GABBR2: variants seen among roughly 807,000 people sequenced by gnomAD.
The protein encoded by GABBR2 is gamma-aminobutyric acid type B receptor subunit 2.
In GABBR2, 23 loss-of-function variants were observed where a neutral mutation model predicts 105.6. The observed-to-expected ratio is 0.22, with a 90% CI of 0.16 to 0.31. The LOEUF (loss-of-function observed/expected upper bound fraction) is 0.31. Among genes scored for constraint, GABBR2 ranks in the 10% least tolerant of loss-of-function variants. The pLI, the probability that GABBR2 is intolerant of heterozygous loss-of-function variation, is 1.00. For synonymous variants in GABBR2, 478 were observed against 499.7 expected (o/e 0.96, Z 0.58); for missense variants, 734 against 1,245.5 (o/e 0.59, Z 6.18).
intron 3 of GABBR2, among the ~76,000 whole-genome samples, chr9:98,523,274 T>A (rs536511552): frequency 6.6e-6 from 1 of 152,280 alleles, no homozygotes; most frequent in Non-Finnish European, 1.5e-5. Context: ...AAGAAGTAGA[T>A]AAATCAAAGC....
intron 4 of GABBR2, among the ~76,000 whole-genome samples, chr9:98,495,546 C>A (rs1486505504): frequency 6.6e-6 from 1 of 152,198 alleles, no homozygotes. Context: ...CTCCTGGGAA[C>A]TGACTTCTGT....
intron 7 of GABBR2, among the ~76,000 whole-genome samples, chr9:98,415,322 A>T (rs890633011): frequency 1.3e-5 from 2 of 152,210 alleles, no homozygotes; most frequent in Non-Finnish European, 2.9e-5. Flanking sequence ...TACCGGCAAA[A>T]ATAGCAATAT....
At chr9:98,410,505 C>CTTT (rs5899341) in intron 7 of GABBR2, among the ~76,000 whole-genome samples, 16 of 126,476 alleles carry the variant, frequency 1.3e-4, no homozygotes, top group South Asian at 2.6e-4. Context: ...GAGGGAAAAG[C>CTTT]TTTTTTTTTT....
chr9:98,593,812 A>G (rs1289650162), intron 1 of GABBR2, among the ~76,000 whole-genome samples: 2 of 152,138 alleles, frequency 1.3e-5, no homozygotes, highest in African/African-American at 4.8e-5. Context: ...GGCCACACTC[A>G]TTCCTCAGGT....
intron 7 of GABBR2, among the ~76,000 whole-genome samples, chr9:98,417,218 C>G (rs865962490): frequency 6.6e-6 from 1 of 152,180 alleles, no homozygotes; most frequent in East Asian, 1.9e-4. Flanking sequence ...GGCCAAGGAG[C>G]AGGATCTCTC....
chr9:98,570,161 T>C (rs913865431), intron 2 of GABBR2, among the ~76,000 whole-genome samples: 1 of 152,082 alleles, frequency 6.6e-6, no homozygotes, highest in Non-Finnish European at 1.5e-5. Context: ...CACATGAACT[T>C]CTCCAAGGAG....
At chr9:98,666,235 C>A (rs1199919114) in intron 1 of GABBR2, among the ~76,000 whole-genome samples, 3 of 152,162 alleles carry the variant, frequency 2.0e-5, no homozygotes, top group Non-Finnish European at 4.4e-5. Flanking sequence ...CAGGAAGGAA[C>A]CTAACGAACC....
chr9:98,296,892 G>A (rs1279365775), intron 17 of GABBR2, among the ~76,000 whole-genome samples: 3 of 151,900 alleles, frequency 2.0e-5, no homozygotes, highest in Non-Finnish European at 4.4e-5. Context: ...AATTCTTTTT[G>A]TACCTAAATT....
At chr9:98,351,185 A>G (rs971572950) in intron 13 of GABBR2, among the ~76,000 whole-genome samples, 2 of 151,958 alleles carry the variant, frequency 1.3e-5, no homozygotes, top group African/African-American at 4.8e-5. Context: ...AAAAAAATCC[A>G]TTCATCCAGT....
In GABBR2 at chr9:98,598,103, G is replaced by A. The variant is rs1829264374; in HGVS notation, c.322-20031C>T. On this transcript the variant is annotated intron_variant, in intron 1 of 18. Coordinates refer to ENST00000259455, the MANE Select transcript of GABBR2 (RefSeq NM_005458.8). ...CTCCCAAAGTGCTAGGATTACAGGT[G>A]TGAGCCACTGCGCCCAGCCTACTTA... is the stretch of plus-strand genomic sequence containing the variant. Among the ~76,000 whole-genome samples the A allele has an allele frequency of 2.0e-5, 3 of 152,228 alleles. No individual in the cohort carries two copies. The South Asian group carries it at 6.2e-4, about 31-fold the overall frequency.
In GABBR2 at chr9:98,569,013, T is replaced by C. The variant is rs1588232402; in HGVS notation, c.459+8922A>G. Reference sequence around the variant, plus strand: ...ATCATTTCTCCTCTTCCCTTTCTTCTTGTTTTTAATGAATCCAGAAGGTGG... The same window carrying C: ...ATCATTTCTCCTCTTCCCTTTCTTCCTGTTTTTAATGAATCCAGAAGGTGG... On this transcript the variant is annotated intron_variant, in intron 2 of 18. Coordinates refer to ENST00000259455, the MANE Select transcript of GABBR2 (RefSeq NM_005458.8). Among the ~76,000 whole-genome samples, 6 of 152,188 alleles carry C rather than the reference T, an allele frequency of 3.9e-5. No homozygotes were observed. In the South Asian group the frequency reaches 1.2e-3, roughly 32 times the overall value.
At chr9:98,653,804 G>C (rs1317409172) in intron 1 of GABBR2, among the ~76,000 whole-genome samples, 2 of 152,026 alleles carry the variant, frequency 1.3e-5, no homozygotes, top group Non-Finnish European at 1.5e-5. Flanking sequence ...AGAAGAATCT[G>C]CATACAGTGC....
intron 13 of GABBR2, among the ~76,000 whole-genome samples, chr9:98,349,161 C>T (rs892600480): frequency 6.6e-6 from 1 of 151,676 alleles, no homozygotes; most frequent in African/African-American, 2.4e-5. Context: ...TTATAAAATG[C>T]TTTTCTGTAT....
intron 9 of GABBR2, 65 bp from the exon 10 acceptor site, chr9:98,389,069 C>T (rs1383181188): frequency 1.4e-6 from 2 of 1,416,114 alleles, no homozygotes; most frequent in Non-Finnish European, 2.0e-6. Flanking sequence ...ACACCTTTGC[C>T]TTAGTGTCCC....
intron 3 of GABBR2, among the ~76,000 whole-genome samples, chr9:98,522,777 T>A (rs1249448659): frequency 6.6e-6 from 1 of 152,162 alleles, no homozygotes; most frequent in Admixed American, 6.5e-5. Flanking sequence ...AAATATGGAT[T>A]TGAATCTTAA....
At position 98,369,075 on chromosome 9, in the gene GABBR2, C is replaced by T. The variant is rs189474934; in HGVS notation, c.1770+2389G>A. Among the ~76,000 whole-genome samples, 127 of 152,380 alleles carry T rather than the reference C, an allele frequency of 8.3e-4. 3 individuals are homozygous for T. In the South Asian group the frequency reaches 0.021, roughly 25 times the overall value. Reference sequence around the variant, plus strand: ...TCCAGCCCCAAAGCCCTCATTTCAACTGGCCTGGGCGACTTCCAGTAGTTT... The same window carrying T: ...TCCAGCCCCAAAGCCCTCATTTCAATTGGCCTGGGCGACTTCCAGTAGTTT... On this transcript the variant is annotated intron_variant, in intron 12 of 18. Transcript: ENST00000259455.
chr9:98,333,539 C>T (rs1342911750), intron 13 of GABBR2, among the ~76,000 whole-genome samples: 1 of 152,158 alleles, frequency 6.6e-6, no homozygotes, highest in Admixed American at 6.5e-5. Context: ...CTCCGCATGG[C>T]CTTCTCCCCT....
intron 6 of GABBR2, among the ~76,000 whole-genome samples, chr9:98,467,841 A>T (rs1212575784): frequency 6.6e-6 from 1 of 152,264 alleles, no homozygotes; most frequent in East Asian, 1.9e-4. Context: ...GAGCCTCAGC[A>T]GGGGCACAAT....
chr9:98,708,495 C>T lies in GABBR2; in HGVS notation c.243G>A (p.Val81=). The part of the protein sequence containing the change: ...GSIGRGVLPA[V]ELAIEQIRNE... ...TGCGGATCTGCTCGATGGCCAGTTC[C>T]ACGGCGGGGAGCACACCGCGCCCGA... Residue 81 remains valine, a synonymous_variant, in exon 1 of 19, where the codon GTG becomes GTA. Transcript: ENST00000259455. 1 of 1,595,468 alleles carries T rather than the reference C, an allele frequency of 6.3e-7. No individual in the cohort carries two copies. Among genetic ancestry groups the T allele is most frequent in the Non-Finnish European group, 8.5e-7 (1 of 1,171,796 alleles).
Sources: gnomAD v4.1 joint callset for allele counts (sites outside exome capture counted in the v4.1 genomes callset) on GRCh38, gnomAD v4.1.1 for gene constraint, MANE v1.5 for transcripts, NCBI Gene and HGNC (gene_info 2026-07-23, HGNC 2026-07-21) for gene names.